ZNF804A: variants seen among roughly 807,000 people sequenced by gnomAD.
ZNF804A encodes zinc finger protein 804A.
Under a neutral mutation model 16.5 loss-of-function variants are expected in ZNF804A, and 2 were observed. The ratio of observed to expected loss-of-function variants is 0.12; its 90% CI spans 0.05 to 0.38. The LOEUF (loss-of-function observed/expected upper bound fraction) is 0.38. Ranked by LOEUF, ZNF804A falls within the 10% of genes least tolerant of loss-of-function variation. The probability of loss-of-function intolerance (pLI) is 0.99; values close to 1 mark genes in which losing one functional copy is unlikely to be tolerated. For synonymous variants in ZNF804A, 534 were observed against 489.6 expected (o/e 1.09, Z -1.20); for missense variants, 1,473 against 1,390.7 (o/e 1.06, Z -0.94).
chr2:184,858,528 C>G (rs950221760), intron 1 of ZNF804A, among the ~76,000 whole-genome samples: 1 of 150,108 alleles, frequency 6.7e-6, no homozygotes, highest in Admixed American at 6.6e-5. Flanking sequence ...AAGATAACAA[C>G]AACTTAAATT....
intron 1 of ZNF804A, among the ~76,000 whole-genome samples, chr2:184,648,258 G>T (rs1441609149): frequency 6.6e-6 from 1 of 151,932 alleles, no homozygotes; most frequent in Non-Finnish European, 1.5e-5. Context: ...GATTTTTAAG[G>T]GAGTTTTACA....
At chr2:184,862,848 C>A (rs1439918217) in intron 1 of ZNF804A, among the ~76,000 whole-genome samples, 1 of 151,976 alleles carries the variant, frequency 6.6e-6, no homozygotes, top group Admixed American at 6.6e-5. Flanking sequence ...AGAATTGGAG[C>A]TATTTGCACA....
chr2:184,607,166 A>T (rs910608289), intron 1 of ZNF804A, among the ~76,000 whole-genome samples: 1 of 152,178 alleles, frequency 6.6e-6, no homozygotes. Flanking sequence ...AACAACCTCT[A>T]TGTAAAATGG....
chr2:184,841,650 T>C (rs1319223317), intron 1 of ZNF804A, among the ~76,000 whole-genome samples: 3 of 152,218 alleles, frequency 2.0e-5, no homozygotes, highest in Non-Finnish European at 4.4e-5. Context: ...ATAATACATT[T>C]AAATTAAAAG....
intron 1 of ZNF804A, among the ~76,000 whole-genome samples, chr2:184,798,644 A>G (rs1337912998): frequency 6.6e-6 from 1 of 151,666 alleles, no homozygotes; most frequent in Non-Finnish European, 1.5e-5. Context: ...TTCTTGTATT[A>G]TATTTTGGTT....
intron 1 of ZNF804A, among the ~76,000 whole-genome samples, chr2:184,765,326 G>A (rs1233178888): frequency 2.0e-5 from 3 of 152,038 alleles, no homozygotes; most frequent in Non-Finnish European, 2.9e-5. Context: ...CCCTCCTGTC[G>A]TCTTATGCCC....
intron 1 of ZNF804A, among the ~76,000 whole-genome samples, chr2:184,805,120 C>G (rs1466333161): frequency 1.3e-5 from 2 of 152,120 alleles, no homozygotes; most frequent in South Asian, 2.1e-4. Flanking sequence ...TACTAATAAA[C>G]AAGAAACATA....
intron 1 of ZNF804A, among the ~76,000 whole-genome samples, chr2:184,761,458 G>C (rs1694035393): frequency 6.6e-6 from 1 of 152,076 alleles, no homozygotes. Flanking sequence ...AGGATAGTTT[G>C]ATGCATAAAA....
chr2:184,672,174 G>A (rs1353253763), intron 1 of ZNF804A, among the ~76,000 whole-genome samples: 1 of 152,194 alleles, frequency 6.6e-6, no homozygotes, highest in Non-Finnish European at 1.5e-5. Flanking sequence ...CATGGGAAGA[G>A]CAGAAGTATG....
At chr2:184,639,730 C>T (rs1252228869) in intron 1 of ZNF804A, among the ~76,000 whole-genome samples, 2 of 152,018 alleles carry the variant, frequency 1.3e-5, no homozygotes, top group African/African-American at 2.4e-5. Flanking sequence ...GGGCCGGGCG[C>T]GGTGGCTCAA....
At chr2:184,886,108 A>G (rs1684886152) in intron 2 of ZNF804A, among the ~76,000 whole-genome samples, 1 of 152,202 alleles carries the variant, frequency 6.6e-6, no homozygotes, top group Admixed American at 6.5e-5. Flanking sequence ...TTCTTCCTAG[A>G]TACAATGGAG....
intron 1 of ZNF804A, among the ~76,000 whole-genome samples, chr2:184,688,753 A>G (rs1692683880): frequency 6.6e-6 from 1 of 152,188 alleles, no homozygotes; most frequent in African/African-American, 2.4e-5. Flanking sequence ...GCTAAAAGGA[A>G]CATTTTTAAA....
intron 1 of ZNF804A, among the ~76,000 whole-genome samples, chr2:184,730,414 G>T (rs1010758398): frequency 2.0e-5 from 3 of 152,080 alleles, no homozygotes; most frequent in Non-Finnish European, 4.4e-5. Context: ...TTGTGTTAGG[G>T]TTCACTTGTT....
chr2:184,634,492 G>C (rs1416201928), intron 1 of ZNF804A, among the ~76,000 whole-genome samples: 1 of 152,108 alleles, frequency 6.6e-6, no homozygotes, highest in Non-Finnish European at 1.5e-5. Flanking sequence ...TAGGGAAAGA[G>C]GGAGGCAGTA....
At chr2:184,814,227 G>A (rs923505029) in intron 1 of ZNF804A, among the ~76,000 whole-genome samples, 2 of 151,656 alleles carry the variant, frequency 1.3e-5, no homozygotes, top group Admixed American at 6.6e-5. Context: ...TTAAATGAAT[G>A]GTTGATTGGA....
intron 1 of ZNF804A, among the ~76,000 whole-genome samples, chr2:184,717,793 C>G (rs997448285): frequency 5.3e-5 from 8 of 152,106 alleles, no homozygotes; most frequent in Non-Finnish European, 8.8e-5. Context: ...TCTATCACTT[C>G]AAGTATTTAT....
chr2:184,754,349 T>C (rs1362892449), intron 1 of ZNF804A, among the ~76,000 whole-genome samples: 2 of 151,922 alleles, frequency 1.3e-5, no homozygotes, highest in Non-Finnish European at 2.9e-5. Flanking sequence ...TAAATAACAA[T>C]TGGTAAATAG....
Position 184,937,041 on chromosome 2 carries a change from A to C in ZNF804A, c.1645A>C (p.Lys549Gln). The change falls in exon 4 of 4, where the codon AAA (lysine) becomes CAA (glutamine). Residue 549 changes from lysine (K) to glutamine (Q), a missense_variant. Coordinates refer to ENST00000302277, the MANE Select transcript of ZNF804A (RefSeq NM_194250.2). Reference protein sequence around the residue: ...GKNENTGQRYKNISCKIRETE... With the variant: ...GKNENTGQRYQNISCKIRETE... Reference sequence around the variant, plus strand: ...AAATGAGAACACAGGTCAGAGGTATAAAAACATTTCCTGTAAGATCAGAGA... The same window carrying C: ...AAATGAGAACACAGGTCAGAGGTATCAAAACATTTCCTGTAAGATCAGAGA... 6.2e-7 allele frequency: 1 copy of C among 1,608,824 alleles called. No homozygotes were observed. Among genetic ancestry groups the C allele is most frequent in the Non-Finnish European group, 8.5e-7 (1 of 1,178,478 alleles).
At chr2:184,695,531 A>C (rs532279155) in intron 1 of ZNF804A, among the ~76,000 whole-genome samples, 76 of 148,540 alleles carry the variant, frequency 5.1e-4, no homozygotes, top group African/African-American at 1.7e-3. Flanking sequence ...ACAGGGTCTC[A>C]CTCTGTTTTG....
Sources: gnomAD v4.1 joint callset for allele counts (sites outside exome capture counted in the v4.1 genomes callset) on GRCh38, gnomAD v4.1.1 for gene constraint, MANE v1.5 for transcripts, NCBI Gene and HGNC (gene_info 2026-07-23, HGNC 2026-07-21) for gene names.